Variants in PDS5B observed in about 807,000 individuals in gnomAD.
The protein encoded by PDS5B is sister chromatid cohesion protein PDS5 homolog B.
Under a neutral mutation model 184.1 loss-of-function variants are expected in PDS5B, and 51 were observed. The ratio of observed to expected loss-of-function variants is 0.28; its 90% CI spans 0.22 to 0.35. The LOEUF is 0.35. PDS5B is among the 10% of genes least tolerant of loss of function. The probability of loss-of-function intolerance (pLI) is 1.00; values close to 1 mark genes in which losing one functional copy is unlikely to be tolerated. For synonymous variants in PDS5B, 566 were observed against 569.2 expected (o/e 0.99, Z 0.08); for missense variants, 1,180 against 1,723.3 (o/e 0.68, Z 5.58).
intron 31 of PDS5B, among the ~76,000 whole-genome samples, chr13:32,766,844 C>T (rs1246641550): frequency 2.0e-5 from 3 of 152,048 alleles, no homozygotes; most frequent in Non-Finnish European, 4.4e-5. Context: ...TTTCTTTTTA[C>T]CACCAACCTT....
intron 3 of PDS5B, 152 bp from the exon 4 acceptor site, chr13:32,658,087 T>C (rs1161374726): frequency 1.8e-5 from 8 of 434,246 alleles, no homozygotes. Flanking sequence ...AGGTGTACTT[T>C]TAAAAAATTT....
intron 5 of PDS5B, 105 bp downstream of exon 5, chr13:32,658,636 G>T (rs923662738): frequency 1.7e-6 from 1 of 577,292 alleles, no homozygotes; most frequent in Non-Finnish European, 3.1e-6. Context: ...AAGGCTGAGA[G>T]ATGTAACTTT....
chr13:32,762,238 G>A lies in PDS5B; in HGVS notation c.3518+1518G>A, dbSNP rs1954431205. ...TTAGGGCACGATTTGTTAGCACAGA[G>A]CATTGTATAGGGCTAAACTGCCACT... On this transcript the variant is annotated intron_variant, in intron 30 of 34. Coordinates refer to ENST00000315596, the MANE Select transcript of PDS5B (RefSeq NM_015032.4). Among the ~76,000 whole-genome samples, 2 of 152,188 alleles carry A rather than the reference G, an allele frequency of 1.3e-5. 1 individual carries two copies. Among genetic ancestry groups the A allele is most frequent in the Admixed American group, 1.3e-4 (2 of 15,282 alleles).
intron 3 of PDS5B, among the ~76,000 whole-genome samples, chr13:32,657,222 C>T (rs1950537252): frequency 6.6e-6 from 1 of 152,168 alleles, no homozygotes; most frequent in South Asian, 2.1e-4. Context: ...CTTCATAAGT[C>T]TCTAAGAACT....
chr13:32,663,334 A>G (rs959488181), intron 6 of PDS5B, among the ~76,000 whole-genome samples: 1 of 152,106 alleles, frequency 6.6e-6, no homozygotes, highest in Non-Finnish European at 1.5e-5. Context: ...AGCAAGAAAA[A>G]AAAAAAAAGG....
rs35150656 is a variant in PDS5B at position 32,727,858 on chromosome 13, C to CT, written c.2124-4233dup. Among the ~76,000 whole-genome samples, 187 of 149,922 alleles carry CT rather than the reference C, an allele frequency of 1.2e-3. 1 individual carries two copies. The highest frequency in any genetic ancestry group is 2.1e-3 in the Admixed American group (32 of 14,998). ...AAATTGGCCATTATTATTTTGAATACTTTTTTTTTTAATCTATTCTCTCCA... is the reference window on the plus strand; with the variant it reads ...AAATTGGCCATTATTATTTTGAATACTTTTTTTTTTTAATCTATTCTCTCCA... On this transcript the variant is annotated intron_variant, in intron 19 of 34. Transcript: ENST00000315596.
chr13:32,729,550 T>A (rs1189212678), intron 19 of PDS5B, among the ~76,000 whole-genome samples: 2 of 152,236 alleles, frequency 1.3e-5, no homozygotes, highest in Non-Finnish European at 2.9e-5. Flanking sequence ...TGAATTAATT[T>A]ATGCTCCCAC....
chr13:32,758,509 TG>T (rs369241892), intron 27 of PDS5B, 24 bp from the exon 28 acceptor site: 2 of 1,601,094 alleles, frequency 1.2e-6, no homozygotes, highest in South Asian at 1.1e-5. Flanking sequence ...TAAGTATCTG[TG>T]TTTTTAAAAA....
intron 1 of PDS5B, among the ~76,000 whole-genome samples, chr13:32,600,342 T>G (rs2057953822): frequency 6.6e-6 from 1 of 152,244 alleles, no homozygotes; most frequent in South Asian, 2.1e-4. Flanking sequence ...ACATCATATC[T>G]CTAAACTCTT....
chr13:32,747,052 G>A (rs774871691), intron 24 of PDS5B, among the ~76,000 whole-genome samples: 3 of 152,126 alleles, frequency 2.0e-5, no homozygotes, highest in Non-Finnish European at 4.4e-5. Context: ...TTATTACTCA[G>A]TGAGTTAAGT....
chr13:32,742,479 TTTC>T, intron 22 of PDS5B, 109 bp from the exon 23 acceptor site: 1 of 813,450 alleles, frequency 1.2e-6, no homozygotes, highest in Non-Finnish European at 1.9e-6. Context: ...AAAAGAATTT[TTTC>T]TTTTCTTAAA....
At chr13:32,683,420 A>T (rs892074639) in intron 10 of PDS5B, among the ~76,000 whole-genome samples, 1 of 150,202 alleles carries the variant, frequency 6.7e-6, no homozygotes, top group South Asian at 2.1e-4. Context: ...TACTGGGTTC[A>T]AGTGATTCTC....
intron 1 of PDS5B, among the ~76,000 whole-genome samples, chr13:32,587,297 A>T (rs1011544812): frequency 6.6e-6 from 1 of 151,780 alleles, no homozygotes; most frequent in African/African-American, 2.4e-5. Flanking sequence ...CGCCACCCCG[A>T]GTGGTCCCCG....
At chr13:32,643,685 A>T (rs940230473) in intron 1 of PDS5B, among the ~76,000 whole-genome samples, 1 of 152,198 alleles carries the variant, frequency 6.6e-6, no homozygotes. Context: ...TACAGTATTC[A>T]GTACAGTAAC....
intron 1 of PDS5B, among the ~76,000 whole-genome samples, chr13:32,631,038 C>T (rs2058446024): frequency 6.6e-6 from 1 of 152,074 alleles, no homozygotes. Flanking sequence ...AGTGATCCAC[C>T]TGCCTTGGCC....
intron 1 of PDS5B, among the ~76,000 whole-genome samples, chr13:32,596,468 A>C (rs557597593): frequency 7.9e-5 from 12 of 152,218 alleles, no homozygotes; most frequent in Non-Finnish European, 1.5e-5. Context: ...AATAAGGCCT[A>C]TACAGATCTT....
intron 24 of PDS5B, among the ~76,000 whole-genome samples, chr13:32,750,153 C>T (rs1953920406): frequency 6.6e-6 from 1 of 152,024 alleles, no homozygotes; most frequent in Non-Finnish European, 1.5e-5. Context: ...GTGGAGTTGC[C>T]TATGATTTCA....
intron 1 of PDS5B, among the ~76,000 whole-genome samples, chr13:32,611,198 T>C (rs1593259400): frequency 6.6e-6 from 1 of 152,144 alleles, no homozygotes; most frequent in Admixed American, 6.5e-5. Context: ...GCTTCCCTTA[T>C]ATGTTACTCC....
At chr13:32,720,979 G>A (rs2140923782) in intron 19 of PDS5B, among the ~76,000 whole-genome samples, 1 of 152,318 alleles carries the variant, frequency 6.6e-6, no homozygotes, top group Non-Finnish European at 1.5e-5. Flanking sequence ...TAGATTAACA[G>A]CATCCCAAGG....
Sources: allele counts gnomAD v4.1 joint callset (sites outside exome capture counted in the v4.1 genomes callset), GRCh38; gene constraint gnomAD v4.1.1; transcripts MANE v1.5; gene names NCBI Gene and HGNC (gene_info 2026-07-23, HGNC 2026-07-21).